Variants in XIRP2 observed in about 807,000 individuals in gnomAD.
XIRP2 encodes the protein xin actin binding repeat containing 2.
XIRP2 carries 236 observed loss-of-function variants against 277.0 expected under a neutral mutation model. The observed-to-expected ratio is 0.85, with a 90% confidence interval of 0.77 to 0.95. The LOEUF is 0.95. Among genes scored for constraint, XIRP2 ranks in the 40% least tolerant of loss-of-function variants. The probability of loss-of-function intolerance (pLI) is 0.00; values close to 1 mark genes in which losing one functional copy is unlikely to be tolerated. For synonymous variants in XIRP2, 1,490 were observed against 1,416.5 expected, an observed-to-expected ratio of 1.05 and a Z score of -1.17; for missense variants, 4,640 against 4,157.5, an observed-to-expected ratio of 1.12 and a Z score of -3.19.
intron 2 of XIRP2, among the ~76,000 whole-genome samples, chr2:167,031,791 A>G (rs1032685244): frequency 6.6e-6 from 1 of 152,298 alleles, no homozygotes; most frequent in East Asian, 1.9e-4. Context: ...CCACTGCTCA[A>G]TGAAATAAGA....
intron 5 of XIRP2, among the ~76,000 whole-genome samples, chr2:167,238,458 T>G (rs1377414547): frequency 6.6e-6 from 1 of 152,130 alleles, no homozygotes; most frequent in East Asian, 1.9e-4. Context: ...CTATAACATC[T>G]CTAACTACAT....
chr2:167,122,080 C>A (rs112420703), intron 2 of XIRP2, among the ~76,000 whole-genome samples: 4,624 of 152,234 alleles, frequency 0.03, 78 homozygotes, highest in East Asian at 0.05. Context: ...ATAATCATGT[C>A]CATGCCTAGC....
intron 3 of XIRP2, among the ~76,000 whole-genome samples, chr2:167,153,439 G>C (rs957514377): frequency 6.6e-6 from 1 of 150,876 alleles, no homozygotes; most frequent in African/African-American, 2.4e-5. Flanking sequence ...TTAAGTTTTA[G>C]GGTACATGTG....
chr2:166,905,745 A>AT (rs1241064068), intron 2 of XIRP2, among the ~76,000 whole-genome samples: 3 of 152,098 alleles, frequency 2.0e-5, no homozygotes, highest in Non-Finnish European at 4.4e-5. Context: ...TATTTTCTAT[A>AT]TAAATTCTAC....
At chr2:167,045,594 A>G (rs1309395791) in intron 2 of XIRP2, among the ~76,000 whole-genome samples, 1 of 152,084 alleles carries the variant, frequency 6.6e-6, no homozygotes, top group Non-Finnish European at 1.5e-5. Context: ...AACAATTTTT[A>G]AAAGAAAACA....
chr2:167,110,080 G>C (rs749569317), intron 2 of XIRP2, among the ~76,000 whole-genome samples: 1 of 152,006 alleles, frequency 6.6e-6, no homozygotes, highest in Non-Finnish European at 1.5e-5. Context: ...TTAGACCTTT[G>C]TTGGATGCAT....
At chr2:166,933,872 T>G (rs1251532257) in intron 2 of XIRP2, among the ~76,000 whole-genome samples, 1 of 152,152 alleles carries the variant, frequency 6.6e-6, no homozygotes, top group African/African-American at 2.4e-5. Context: ...TATAATTTAT[T>G]CTCTGATATT....
intron 2 of XIRP2, among the ~76,000 whole-genome samples, chr2:166,918,786 AT>A (rs1172277996): frequency 1.3e-5 from 2 of 152,140 alleles, no homozygotes; most frequent in Non-Finnish European, 2.9e-5. Context: ...ATTAGGGAAC[AT>A]TTATTCCTTT....
rs764132768 is a variant in XIRP2 at position 167,247,406 on chromosome 2, G to A, written c.6014G>A (p.Cys2005Tyr). 1 of 1,613,676 alleles carries A rather than the reference G, an allele frequency of 6.2e-7. No homozygotes were observed. The highest frequency in any genetic ancestry group is 1.7e-5 in the Admixed American group (1 of 59,978). ...CTCAGTCAAACTATGGGGAAATCTTGCCATGGCAATTTAGTAGAAGAAAGA... is the reference window on the plus strand; with the variant it reads ...CTCAGTCAAACTATGGGGAAATCTTACCATGGCAATTTAGTAGAAGAAAGA... Reference protein sequence around the residue: ...DTLSQTMGKSCHGNLVEERTE... With the variant: ...DTLSQTMGKSYHGNLVEERTE... The change falls in exon 9 of 11, where the codon TGC (cysteine) becomes TAC (tyrosine). Residue 2005 changes from cysteine (C) to tyrosine (Y), a missense_variant. By Grantham distance (194) the Cys-to-Tyr change is radical (BLOSUM62 -2). Transcript: ENST00000409195.
intron 3 of XIRP2, among the ~76,000 whole-genome samples, chr2:167,170,676 A>T (rs1387322787): frequency 2.6e-5 from 4 of 152,016 alleles, no homozygotes; most frequent in African/African-American, 9.7e-5. Flanking sequence ...CCTACTACTG[A>T]TAATTTCTAT....
intron 2 of XIRP2, among the ~76,000 whole-genome samples, chr2:167,022,704 GTT>G (rs1325705559): frequency 6.6e-6 from 1 of 151,898 alleles, no homozygotes; most frequent in Non-Finnish European, 1.5e-5. Context: ...GTGGTGTTCG[GTT>G]TTTTGTCCTT....
intron 3 of XIRP2, among the ~76,000 whole-genome samples, chr2:167,197,229 T>C (rs958712178): frequency 2.0e-5 from 3 of 152,192 alleles, no homozygotes; most frequent in Non-Finnish European, 4.4e-5. Context: ...ATTCCAACTT[T>C]CACATAACTT....
intron 2 of XIRP2, among the ~76,000 whole-genome samples, chr2:166,921,667 C>G (rs776218014): frequency 4.7e-4 from 71 of 152,078 alleles, no homozygotes; most frequent in Non-Finnish European, 6.9e-4. Flanking sequence ...TATAATCTTT[C>G]AGCACTTCAG....
Position 167,245,138 on chromosome 2 carries a change from A to T in XIRP2, c.3746A>T (p.Asp1249Val), listed in dbSNP as rs761334530. ...CRWLFENQPIDKIKESQEGDE... is the reference protein window; with the variant it reads ...CRWLFENQPIVKIKESQEGDE... The stretch of plus-strand genomic sequence containing the variant: ...TGGCTTTTTGAAAACCAACCAATTG[A>T]TAAGATAAAAGAAAGCCAAGAAGGT... The change falls in exon 9 of 11, where the codon GAT (aspartate) becomes GTT (valine). Residue 1249 changes from aspartate to valine, a missense_variant. Asp to Val is a radical substitution (Grantham distance 152). Coordinates refer to ENST00000409195, the MANE Select transcript of XIRP2 (RefSeq NM_152381.6). 6.2e-7 allele frequency: 1 copy of T among 1,612,384 alleles called. No homozygotes were observed. The highest frequency in any genetic ancestry group is 2.2e-5 in the East Asian group (1 of 44,830).
At chr2:166,984,293 G>A (rs1686945898) in intron 2 of XIRP2, among the ~76,000 whole-genome samples, 1 of 152,004 alleles carries the variant, frequency 6.6e-6, no homozygotes, top group Non-Finnish European at 1.5e-5. Flanking sequence ...ATATTTTGTG[G>A]GATTATCTGG....
intron 3 of XIRP2, among the ~76,000 whole-genome samples, chr2:167,201,178 AAG>A (rs1179558333): frequency 3.4e-4 from 44 of 128,262 alleles, no homozygotes; most frequent in Admixed American, 1.1e-3. Flanking sequence ...GAGAGAAAGA[AAG>A]AGAGAGAGAG....
intron 3 of XIRP2, among the ~76,000 whole-genome samples, chr2:167,161,086 C>G (rs1194477696): frequency 1.3e-5 from 2 of 152,234 alleles, no homozygotes; most frequent in Non-Finnish European, 2.9e-5. Flanking sequence ...TGTCTCACCT[C>G]CAGGTCATGC....
At chr2:167,139,076 ATATATATGCATATATATACGTACG>A (rs1331623117) in intron 3 of XIRP2, among the ~76,000 whole-genome samples, 1 of 150,768 alleles carries the variant, frequency 6.6e-6, no homozygotes, top group East Asian at 1.9e-4. Flanking sequence ...CAAAAAATAT[ATATATATGCATATATATACGTACG>A]TATATATATG....
intron 3 of XIRP2, among the ~76,000 whole-genome samples, chr2:167,210,378 T>C (rs749783179): frequency 6.6e-6 from 1 of 152,158 alleles, no homozygotes; most frequent in African/African-American, 2.4e-5. Flanking sequence ...CCTTACAAGA[T>C]TGTTAGAAAA....
Sources: allele counts gnomAD v4.1 joint callset (sites outside exome capture counted in the v4.1 genomes callset), GRCh38; gene constraint gnomAD v4.1.1; transcripts MANE v1.5; gene names NCBI Gene and HGNC (gene_info 2026-07-23, HGNC 2026-07-21).